The following HECW2 variants were observed in gnomAD, a reference collection of about 807,000 sequenced individuals.
HECW2 encodes E3 ubiquitin-protein ligase HECW2.
HECW2 carries 61 observed loss-of-function variants against 175.2 expected under a neutral mutation model. That is an observed-to-expected ratio of 0.35 (90% CI 0.28 to 0.43). The LOEUF (loss-of-function observed/expected upper bound fraction) is 0.43, where lower values mean the gene tolerates loss of function less well. HECW2 is among the 20% of genes least tolerant of loss of function. The pLI is 1.00. For missense variants in HECW2, 1,524 were observed against 2,000.5 expected (o/e 0.76, Z 4.54); for synonymous variants, 671 against 731.0 (o/e 0.92, Z 1.32).
At chr2:196,483,411 G>A (rs1686907794) in intron 1 of HECW2, among the ~76,000 whole-genome samples, 2 of 152,192 alleles carry the variant, frequency 1.3e-5, no homozygotes, top group Non-Finnish European at 2.9e-5. Context: ...TGATAAGTGT[G>A]ACAGAATCAA....
At chr2:196,578,412 T>C (rs1690637058) in intron 1 of HECW2, among the ~76,000 whole-genome samples, 1 of 152,062 alleles carries the variant, frequency 6.6e-6, no homozygotes, top group Admixed American at 6.6e-5. Flanking sequence ...CACTGGGAGT[T>C]CCAGGAAAAG....
intron 6 of HECW2, 43 bp from the exon 7 acceptor site, chr2:196,322,663 A>T (rs764066992): frequency 6.5e-7 from 1 of 1,539,632 alleles, no homozygotes; most frequent in Non-Finnish European, 9.0e-7. Flanking sequence ...AAAGAAAGAC[A>T]AATATGATAC....
intron 28 of HECW2, among the ~76,000 whole-genome samples, chr2:196,211,343 G>C (rs778258291): frequency 2.4e-4 from 37 of 152,140 alleles, no homozygotes; most frequent in Non-Finnish European, 3.8e-4. Flanking sequence ...TTTTCATAAA[G>C]TCCATCAGAG....
At chr2:196,273,562 T>C (rs1689828299) in intron 16 of HECW2, among the ~76,000 whole-genome samples, 1 of 152,216 alleles carries the variant, frequency 6.6e-6, no homozygotes, top group Non-Finnish European at 1.5e-5. Context: ...TAGAGGTTCT[T>C]GCTGCCTTCT....
intron 21 of HECW2, among the ~76,000 whole-genome samples, chr2:196,236,164 C>G (rs1317042763): frequency 6.6e-6 from 1 of 152,108 alleles, no homozygotes; most frequent in Non-Finnish European, 1.5e-5. Context: ...CTAATTTGGA[C>G]TTCCCACAGA....
At chr2:196,395,788 G>A (rs1247334277) in intron 2 of HECW2, among the ~76,000 whole-genome samples, 4 of 151,892 alleles carry the variant, frequency 2.6e-5, no homozygotes, top group Non-Finnish European at 5.9e-5. Context: ...GGTAGAATGT[G>A]AAATGGTGCA....
chr2:196,467,550 C>T (rs1173627755), intron 1 of HECW2, among the ~76,000 whole-genome samples: 5 of 152,106 alleles, frequency 3.3e-5, no homozygotes, highest in East Asian at 1.9e-4. Flanking sequence ...TTGGTTTCAG[C>T]GTCTGACTCT....
intron 1 of HECW2, among the ~76,000 whole-genome samples, chr2:196,461,875 G>T (rs1031471981): frequency 6.6e-6 from 1 of 152,090 alleles, no homozygotes; most frequent in East Asian, 1.9e-4. Context: ...CAGGAACCAT[G>T]CGGATTACAA....
chr2:196,431,600 A>G (rs1017799645), intron 2 of HECW2, among the ~76,000 whole-genome samples: 1 of 152,220 alleles, frequency 6.6e-6, no homozygotes, highest in Non-Finnish European at 1.5e-5. Context: ...AGTTATATGA[A>G]GTGCAAAAGA....
intron 1 of HECW2, among the ~76,000 whole-genome samples, chr2:196,502,305 C>G (rs148991933): frequency 2.0e-5 from 3 of 152,064 alleles, no homozygotes; most frequent in Non-Finnish European, 2.9e-5. Context: ...TTGAACTGTA[C>G]GTCATCCTAG....
intron 28 of HECW2, among the ~76,000 whole-genome samples, chr2:196,204,417 C>T (rs183245092): frequency 1.6e-4 from 25 of 152,206 alleles, no homozygotes; most frequent in African/African-American, 4.6e-4. Flanking sequence ...CTTAGGATTT[C>T]TTATTAAAAT....
At chr2:196,269,012 G>A (rs763288459) in intron 17 of HECW2, among the ~76,000 whole-genome samples, 1 of 152,158 alleles carries the variant, frequency 6.6e-6, no homozygotes, top group African/African-American at 2.4e-5. Context: ...TAATTTTTCC[G>A]TGGTTAAGAA....
intron 2 of HECW2, among the ~76,000 whole-genome samples, chr2:196,430,424 C>T (rs1315733442): frequency 7.2e-6 from 1 of 139,432 alleles, no homozygotes; most frequent in East Asian, 2.0e-4. Flanking sequence ...GAACCATGGT[C>T]AATGAAAAAA....
At chr2:196,398,423 T>A (rs900179536) in intron 2 of HECW2, among the ~76,000 whole-genome samples, 6 of 152,200 alleles carry the variant, frequency 3.9e-5, no homozygotes, top group Non-Finnish European at 7.3e-5. Context: ...CAAGAGATAT[T>A]GCCATAGGTT....
chr2:196,227,736 C>G (rs922244915), intron 22 of HECW2, among the ~76,000 whole-genome samples: 3 of 152,212 alleles, frequency 2.0e-5, no homozygotes, highest in Non-Finnish European at 4.4e-5. Context: ...GGCCCTTCCC[C>G]TCCTCATCCC....
chr2:196,568,568 T>TA (rs1433504147), intron 1 of HECW2, among the ~76,000 whole-genome samples: 1 of 152,164 alleles, frequency 6.6e-6, no homozygotes, highest in African/African-American at 2.4e-5. Flanking sequence ...TGGTTTGACT[T>TA]ACAATTTTTC....
intron 2 of HECW2, among the ~76,000 whole-genome samples, chr2:196,401,250 T>C (rs1694810040): frequency 1.3e-5 from 2 of 152,208 alleles, no homozygotes; most frequent in African/African-American, 2.4e-5. Flanking sequence ...AAAGAAATTA[T>C]AGTACAAGCA....
At chr2:196,275,394 AT>A (rs1689905252) in intron 15 of HECW2, among the ~76,000 whole-genome samples, 1 of 152,202 alleles carries the variant, frequency 6.6e-6, no homozygotes, top group Admixed American at 6.5e-5. Flanking sequence ...TTTACAAAGC[AT>A]TTTTCGTTCA....
intron 2 of HECW2, among the ~76,000 whole-genome samples, chr2:196,368,040 A>G (rs908527215): frequency 6.6e-6 from 1 of 152,068 alleles, no homozygotes; most frequent in Non-Finnish European, 1.5e-5. Flanking sequence ...TTATAAACTT[A>G]GGTTGCTTTC....
Sources: gnomAD v4.1 joint callset for allele counts (sites outside exome capture counted in the v4.1 genomes callset) on GRCh38, gnomAD v4.1.1 for gene constraint, MANE v1.5 for transcripts, NCBI Gene and HGNC (gene_info 2026-07-23, HGNC 2026-07-21) for gene names.